TNRC6A: variants seen among roughly 807,000 people sequenced by gnomAD.
TNRC6A encodes the protein trinucleotide repeat containing adaptor 6A, also known as trinucleotide repeat-containing gene 6A protein.
TNRC6A carries 44 observed loss-of-function variants against 221.2 expected under a neutral mutation model. The ratio of observed to expected loss-of-function variants is 0.20; its 90% CI spans 0.16 to 0.26. The LOEUF is 0.26. Ranked by LOEUF, TNRC6A falls within the 10% of genes least tolerant of loss-of-function variation. The pLI, the probability that TNRC6A is intolerant of heterozygous loss-of-function variation, is 1.00. For missense variants in TNRC6A, 2,199 were observed against 2,404.4 expected (o/e 0.91, Z 1.79); for synonymous variants, 847 against 838.5 (o/e 1.01, Z -0.18).
chr16:24,681,916 C>T lies in TNRC6A; in HGVS notation n.402+40907C>T, dbSNP rs761010593. On this transcript the variant is annotated intron_variant and non_coding_transcript_variant, in intron 2 of 2. Transcript: ENST00000566108. The stretch of plus-strand genomic sequence containing the variant: ...GGATGCATATTTTAAAATGTTGCAA[C>T]GTGTTGCCAAACTCCTCTGTATTTA... Among the ~76,000 whole-genome samples the T allele has an allele frequency of 2.6e-5, 4 of 152,138 alleles. No individual in the cohort carries two copies. In the South Asian group the frequency reaches 6.2e-4, roughly 24 times the overall value.
rs374424054 is a variant in TNRC6A at position 24,748,550 on chromosome 16, C to T, written c.54-2176C>T. On this transcript the variant is annotated intron_variant, in intron 2 of 24. Coordinates refer to ENST00000395799, the MANE Select transcript of TNRC6A (RefSeq NM_014494.4). ...GACAGCGAAGTATAGCAACAGTTAT[C>T]ATACTCTTCTTCCAGTTATCCTTTT... 4.6e-5 allele frequency among the ~76,000 whole-genome samples: 7 copies of T among 152,276 alleles called. No homozygotes were observed. In the East Asian group the frequency reaches 1.2e-3, roughly 25 times the overall value.
chr16:24,796,974 G>A (rs918395472), intron 9 of TNRC6A, among the ~76,000 whole-genome samples: 3 of 151,456 alleles, frequency 2.0e-5, no homozygotes, highest in African/African-American at 7.4e-5. Context: ...GAGATGTTGT[G>A]TTCTTGGCAA....
chr16:24,729,870 C>A, intron 1 of TNRC6A, 24 bp downstream of exon 1: 1 of 1,276,954 alleles, frequency 7.8e-7, no homozygotes, highest in South Asian at 2.7e-5. Context: ...GGGCCTCCCT[C>A]CGGGCGGGAG....
rs758076666 is a variant in TNRC6A, at chr16:24,816,868, T to C, written c.4884T>C (p.Thr1628=). The change falls in exon 20 of 25, where the codon ACT becomes ACC. Residue 1628 remains threonine, a synonymous_variant. Transcript: ENST00000395799. ...WKGYPNIDPE[T]DPYVTPGSVI... is the part of the protein sequence containing the mutation. The stretch of plus-strand genomic sequence containing the variant: ...GTTATCCAAACATTGACCCTGAAAC[T>C]GACCCTTACGTCACTCCTGGCAGTG... 6.2e-7 allele frequency: 1 copy of C among 1,614,150 alleles called. No individual in the cohort carries two copies. The highest frequency in any genetic ancestry group is 1.1e-5 in the South Asian group (1 of 91,056).
In TNRC6A at chr16:24,816,936, A is replaced by G; in HGVS notation, c.4952A>G (p.His1651Arg). 2 of 1,613,706 alleles carry G rather than the reference A, an allele frequency of 1.2e-6. No homozygotes were observed. The highest frequency in any genetic ancestry group is 1.7e-6 in the Non-Finnish European group (2 of 1,179,950). Residue 1651 changes from histidine to arginine, a missense_variant, in exon 20 of 25, where the codon CAC becomes CGC. Transcript: ENST00000395799. ...LSINTVREVDHLRDRNSGSSS... is the reference protein window; with the variant it reads ...LSINTVREVDRLRDRNSGSSS... ...ATTAATACTGTGCGGGAAGTTGACC[A>G]CCTCAGGGACAGGAACAGTGGTACG...
Position 24,696,731 on chromosome 16 carries a change from A to AGAAG in TNRC6A, n.403-53995_403-53994insGAAG, listed in dbSNP as rs796521874. Among the ~76,000 whole-genome samples, 651 of 144,560 alleles carry AGAAG rather than the reference A, an allele frequency of 4.5e-3. 13 individuals are homozygous for AGAAG. Among genetic ancestry groups the AGAAG allele is most frequent in the African/African-American group, 0.016 (619 of 38,904 alleles). 94.8% of individuals were successfully genotyped at this position (144,560 alleles called of 152,430 possible). A position where few individuals can be genotyped will look rare whatever the true frequency, so the allele number is the denominator to read the frequency against. On this transcript the variant is annotated intron_variant and non_coding_transcript_variant, in intron 2 of 2. Transcript: ENST00000566108. ...GCAACAGAGCGAGACCCTGTCTCAA[A>AGAAG]AAAAAAAAAAAAAAGAAAGGAAAGG...
chr16:24,719,224 C>T (rs2056368911), intron 2 of TNRC6A, among the ~76,000 whole-genome samples: 1 of 151,740 alleles, frequency 6.6e-6, no homozygotes, highest in Non-Finnish European at 1.5e-5. Context: ...ATCAGGAGTA[C>T]CAAAGATTAA....
In TNRC6A at chr16:24,745,764, C is replaced by T. The variant is rs371260920; in HGVS notation, c.54-4962C>T. 5.3e-5 allele frequency among the ~76,000 whole-genome samples: 8 copies of T among 151,390 alleles called. No homozygotes were observed. In the South Asian group the frequency reaches 1.7e-3, roughly 32 times the overall value. On this transcript the variant is annotated intron_variant, in intron 2 of 24. Transcript: ENST00000395799. ...TCAGTTGATTCTTGGGCCTCAGCCT[C>T]CCATGTAGCTGAGACTACAGGTATG... is the stretch of plus-strand genomic sequence containing the variant.
rs1173072632 is a variant in TNRC6A, at chr16:24,729,801, C to G, written c.-41C>G. The G allele has an allele frequency of 2.4e-5, 34 of 1,405,806 alleles. No individual in the cohort carries two copies. Among genetic ancestry groups the G allele is most frequent in the Non-Finnish European group, 3.2e-5 (34 of 1,073,096 alleles). The allele number at this position is 1,405,806 out of a possible 1,614,324, so 87.1% of individuals were successfully genotyped here. On this transcript the variant is annotated 5_prime_UTR_variant, in exon 1 of 25. Coordinates refer to ENST00000395799, the MANE Select transcript of TNRC6A (RefSeq NM_014494.4). The stretch of plus-strand genomic sequence containing the variant: ...CTGCGGAGGGCTTGAGGCTCGCGAG[C>G]CTCCTTCGCCGCGCCCCACTTGCTC...
chr16:24,775,100 A>G (rs904179792), intron 4 of TNRC6A, among the ~76,000 whole-genome samples: 3 of 152,196 alleles, frequency 2.0e-5, no homozygotes, highest in Admixed American at 6.5e-5. Context: ...TTCTAGTGCC[A>G]TATGGTCTTC....
intron 2 of TNRC6A, among the ~76,000 whole-genome samples, chr16:24,674,826 A>G (rs1409793065): frequency 6.6e-6 from 1 of 151,830 alleles, no homozygotes; most frequent in Non-Finnish European, 1.5e-5. Flanking sequence ...CAAAGTAACC[A>G]TCTCTGTCAA....
At chr16:24,662,454 A>G (rs1428407399) in intron 2 of TNRC6A, 3 of 151,996 alleles carry the variant, frequency 2.0e-5, no homozygotes, top group Admixed American at 6.6e-5. Context: ...GCTGTACTCC[A>G]GCCTGGGTGT....
intron 2 of TNRC6A, among the ~76,000 whole-genome samples, chr16:24,706,990 TA>T (rs1254305122): frequency 9.9e-6 from 1 of 101,484 alleles, no homozygotes; most frequent in Non-Finnish European, 2.5e-5. Flanking sequence ...TTTATTTATG[TA>T]TTTATTTATT....
intron 10 of TNRC6A, 78 bp from the exon 11 acceptor site, chr16:24,797,837 A>G (rs75299354): frequency 0.011 from 13,971 of 1,269,530 alleles, 105 homozygotes; most frequent in Middle Eastern, 0.018. Flanking sequence ...ATAATGAAAC[A>G]CAGTAAAATT....
chr16:24,651,965 T>C (rs970159171), intron 2 of TNRC6A, among the ~76,000 whole-genome samples: 2 of 151,366 alleles, frequency 1.3e-5, no homozygotes, highest in Non-Finnish European at 2.9e-5. Context: ...AAAAAAACTT[T>C]TTGATGATGG....
intron 5 of TNRC6A, among the ~76,000 whole-genome samples, chr16:24,783,715 C>T (rs117372538): frequency 0.011 from 1,616 of 152,228 alleles, 10 homozygotes; most frequent in South Asian, 0.027. Flanking sequence ...AAAACTCAGC[C>T]GCTCCCTTTC....
At position 24,718,629 on chromosome 16, in the gene TNRC6A, T is replaced by C. The variant is rs74016410; in HGVS notation, n.403-32097T>C. Among the ~76,000 whole-genome samples, 721 of 152,308 alleles carry C rather than the reference T, an allele frequency of 4.7e-3. 7 individuals carry two copies. Among genetic ancestry groups the C allele is most frequent in the African/African-American group, 0.017 (693 of 41,566 alleles). On this transcript the variant is annotated intron_variant and non_coding_transcript_variant, in intron 2 of 2. Transcript: ENST00000566108. ...AATCTTTTACGCTACACAAGGGGTTTCAGGTATAATTCTATAGAATGTAGC... is the reference window on the plus strand; with the variant it reads ...AATCTTTTACGCTACACAAGGGGTTCCAGGTATAATTCTATAGAATGTAGC...
intron 2 of TNRC6A, among the ~76,000 whole-genome samples, chr16:24,744,932 G>C (rs1047354400): frequency 6.6e-6 from 1 of 152,012 alleles, no homozygotes; most frequent in Non-Finnish European, 1.5e-5. Flanking sequence ...ATTTTGTTTT[G>C]TTTTTCCAGT....
Position 24,642,735 on chromosome 16 carries a change from T to G in TNRC6A, n.402+1726T>G, listed in dbSNP as rs1902017239. On this transcript the variant is annotated intron_variant and non_coding_transcript_variant, in intron 2 of 2. Coordinates refer to the TNRC6A transcript ENST00000566108. ...CCTGGGAGGCTGAGGCAGGAGAATC[T>G]CTTGAACCCGGAAGGTGGAGGTTGC... 2.0e-5 allele frequency among the ~76,000 whole-genome samples: 3 copies of G among 151,794 alleles called. No individual in the cohort carries two copies. In the South Asian group the frequency reaches 6.2e-4, roughly 32 times the overall value.
Sources: allele counts gnomAD v4.1 joint callset (sites outside exome capture counted in the v4.1 genomes callset), GRCh38; gene constraint gnomAD v4.1.1; transcripts MANE v1.5; gene names NCBI Gene and HGNC (gene_info 2026-07-23, HGNC 2026-07-21).